Variants in LRRC4C observed in about 807,000 individuals in gnomAD.
The protein encoded by LRRC4C is leucine-rich repeat-containing protein 4C.
In LRRC4C, 5 loss-of-function variants were observed where a neutral mutation model predicts 33.6. The ratio of observed to expected loss-of-function variants is 0.15; its 90% CI spans 0.08 to 0.31. LRRC4C has a LOEUF of 0.31. Among genes scored for constraint, LRRC4C ranks in the 10% least tolerant of loss-of-function variants. LRRC4C has a pLI of 1.00. For synonymous variants in LRRC4C, 329 were observed against 302.0 expected, an observed-to-expected ratio of 1.09 and a Z score of -0.93; for missense variants, 560 against 796.7, an observed-to-expected ratio of 0.70 and a Z score of 3.58.
intron 3 of LRRC4C, among the ~76,000 whole-genome samples, chr11:40,499,878 C>G (rs530890349): frequency 6.6e-6 from 1 of 152,138 alleles, no homozygotes; most frequent in Admixed American, 6.5e-5. Context: ...ATAACATCGT[C>G]ATGGGAGAGA....
intron 1 of LRRC4C, among the ~76,000 whole-genome samples, chr11:41,329,947 C>G (rs541749244): frequency 6.6e-6 from 1 of 152,222 alleles, no homozygotes; most frequent in African/African-American, 2.4e-5. Flanking sequence ...GACCTTCATT[C>G]TATTTTACAT....
intron 3 of LRRC4C, among the ~76,000 whole-genome samples, chr11:40,640,050 A>G (rs924916399): frequency 2.6e-5 from 4 of 152,296 alleles, no homozygotes; most frequent in Admixed American, 2.6e-4. Context: ...TTGGCTACCT[A>G]TCACTTCTCA....
intron 3 of LRRC4C, among the ~76,000 whole-genome samples, chr11:40,451,325 A>G (rs1951873053): frequency 6.8e-6 from 1 of 147,704 alleles, no homozygotes; most frequent in East Asian, 2.0e-4. Context: ...AAAATCAGGA[A>G]TGGAAGAGTG....
intron 2 of LRRC4C, among the ~76,000 whole-genome samples, chr11:40,775,504 G>T (rs912963284): frequency 2.0e-5 from 3 of 151,930 alleles, no homozygotes; most frequent in Non-Finnish European, 4.4e-5. Context: ...AAAGTTAGAT[G>T]CATTTTTAGT....
intron 1 of LRRC4C, among the ~76,000 whole-genome samples, chr11:40,965,709 T>C (rs553912757): frequency 6.6e-6 from 1 of 152,250 alleles, no homozygotes; most frequent in South Asian, 2.1e-4. Context: ...GAGGGTTCTG[T>C]TCTGTTCCAT....
chr11:41,155,917 G>A (rs1325490627), intron 1 of LRRC4C, among the ~76,000 whole-genome samples: 3 of 151,974 alleles, frequency 2.0e-5, no homozygotes, highest in African/African-American at 7.2e-5. Flanking sequence ...CAGGAATAAG[G>A]CACCATAAAT....
intron 1 of LRRC4C, among the ~76,000 whole-genome samples, chr11:40,941,151 T>G (rs2136589857): frequency 6.6e-6 from 1 of 152,166 alleles, no homozygotes; most frequent in East Asian, 1.9e-4. Flanking sequence ...ATGAGATACT[T>G]ATTTTTTGTT....
At chr11:40,680,349 C>CTGGG (rs1944622856) in intron 2 of LRRC4C, among the ~76,000 whole-genome samples, 2 of 152,126 alleles carry the variant, frequency 1.3e-5, no homozygotes, top group Non-Finnish European at 2.9e-5. Flanking sequence ...TAAGTTGAGA[C>CTGGG]TGGGGGACTG....
chr11:40,622,248 C>A (rs1211455540), intron 3 of LRRC4C, among the ~76,000 whole-genome samples: 1 of 151,768 alleles, frequency 6.6e-6, no homozygotes, highest in African/African-American at 2.4e-5. Context: ...TGTAAAATCA[C>A]CTAATTATGA....
intron 1 of LRRC4C, among the ~76,000 whole-genome samples, chr11:41,253,284 G>A (rs1948700345): frequency 6.6e-6 from 1 of 151,986 alleles, no homozygotes; most frequent in Admixed American, 6.6e-5. Context: ...AATTCTCTTG[G>A]CTAATTCTTT....
intron 6 of LRRC4C, among the ~76,000 whole-genome samples, chr11:40,124,129 C>A (rs1856030416): frequency 6.6e-6 from 1 of 152,098 alleles, no homozygotes; most frequent in Admixed American, 6.5e-5. Context: ...GAGATATCAT[C>A]TCACTCAAGT....
chr11:41,087,906 G>T (rs573561509), intron 1 of LRRC4C, among the ~76,000 whole-genome samples: 9 of 152,104 alleles, frequency 5.9e-5, no homozygotes, highest in Non-Finnish European at 1.0e-4. Flanking sequence ...TATATAAGTT[G>T]TTTGAGGGCA....
intron 3 of LRRC4C, among the ~76,000 whole-genome samples, chr11:40,329,255 G>T (rs1297678361): frequency 1.3e-5 from 2 of 152,214 alleles, no homozygotes; most frequent in Non-Finnish European, 2.9e-5. Context: ...ACTTGGGCAA[G>T]CTAGTCATGC....
At chr11:40,928,822 A>C (rs1957496238) in intron 2 of LRRC4C, among the ~76,000 whole-genome samples, 1 of 152,176 alleles carries the variant, frequency 6.6e-6, no homozygotes. Context: ...CTAAAATAAT[A>C]ATTGTTCTAT....
chr11:41,101,178 C>T (rs1262236303), intron 1 of LRRC4C, among the ~76,000 whole-genome samples: 4 of 152,156 alleles, frequency 2.6e-5, no homozygotes, highest in African/African-American at 9.7e-5. Context: ...TTAAGAGCTT[C>T]TGCACAGCAA....
chr11:40,202,823 C>T (rs533412251), intron 5 of LRRC4C, among the ~76,000 whole-genome samples: 8 of 152,306 alleles, frequency 5.3e-5, no homozygotes, highest in African/African-American at 1.9e-4. Flanking sequence ...GGCAAATTCA[C>T]TGCTTTACTC....
chr11:41,269,810 T>C lies in LRRC4C; in HGVS notation c.-496+189621A>G, dbSNP rs552443186. Among the ~76,000 whole-genome samples, 10 of 152,214 alleles carry C rather than the reference T, an allele frequency of 6.6e-5. No homozygotes were observed. In the East Asian group the frequency reaches 1.7e-3, roughly 27 times the overall value. On this transcript the variant is annotated intron_variant, in intron 1 of 6. Transcript: ENST00000528697. ...CAGTCTCTGTAACCAACTATTGCCT[T>C]TAGCATCCAAACTTTAAAAGATTAC...
chr11:41,285,049 G>A (rs555827840), intron 1 of LRRC4C, among the ~76,000 whole-genome samples: 1 of 152,092 alleles, frequency 6.6e-6, no homozygotes, highest in Non-Finnish European at 1.5e-5. Flanking sequence ...TAAATACAAG[G>A]GGACCCAGGA....
chr11:41,343,093 C>T (rs889875402), intron 1 of LRRC4C, among the ~76,000 whole-genome samples: 23 of 152,158 alleles, frequency 1.5e-4, no homozygotes, highest in African/African-American at 4.8e-4. Flanking sequence ...CCAGTTAATC[C>T]AAGATGATCT....
Sources: gnomAD v4.1 joint callset for allele counts (sites outside exome capture counted in the v4.1 genomes callset) on GRCh38, gnomAD v4.1.1 for gene constraint, MANE v1.5 for transcripts, NCBI Gene and HGNC (gene_info 2026-07-23, HGNC 2026-07-21) for gene names.